ERBB4: variants seen among roughly 807,000 people sequenced by gnomAD.
ERBB4 encodes the protein receptor tyrosine-protein kinase erbB-4.
A neutral mutation model predicts 158.0 loss-of-function variants in ERBB4; 42 were observed. The observed-to-expected ratio is 0.27, with a 90% CI of 0.21 to 0.34. The LOEUF is 0.34. Ranked by LOEUF, ERBB4 falls within the 10% of genes least tolerant of loss-of-function variation. The pLI is 1.00. For missense variants in ERBB4, 1,333 were observed against 1,624.1 expected, an observed-to-expected ratio of 0.82 and a Z score of 3.08; for synonymous variants, 583 against 558.7, an observed-to-expected ratio of 1.04 and a Z score of -0.61.
intron 1 of ERBB4, among the ~76,000 whole-genome samples, chr2:212,194,689 C>T (rs2082370100): frequency 6.6e-6 from 1 of 151,846 alleles, no homozygotes; most frequent in Admixed American, 6.6e-5. Flanking sequence ...TTAGAGACAG[C>T]TCTGTTTCAA....
intron 20 of ERBB4, among the ~76,000 whole-genome samples, chr2:211,464,576 T>C (rs1178170692): frequency 6.6e-6 from 1 of 152,130 alleles, no homozygotes; most frequent in Non-Finnish European, 1.5e-5. Context: ...TCAAATCATT[T>C]GAGGATTCAA....
chr2:212,079,686 T>G (rs1456681253), intron 2 of ERBB4, among the ~76,000 whole-genome samples: 3 of 152,116 alleles, frequency 2.0e-5, no homozygotes, highest in African/African-American at 7.2e-5. Flanking sequence ...GCATAGATGC[T>G]TCCTTTTACC....
intron 12 of ERBB4, among the ~76,000 whole-genome samples, chr2:211,681,134 C>G (rs2072316864): frequency 6.6e-6 from 1 of 151,950 alleles, no homozygotes; most frequent in African/African-American, 2.4e-5. Context: ...TATATAGTTT[C>G]TTTCATTTAT....
intron 2 of ERBB4, among the ~76,000 whole-genome samples, chr2:212,092,869 T>G: frequency 6.6e-6 from 1 of 152,084 alleles, no homozygotes; most frequent in East Asian, 1.9e-4. Flanking sequence ...GATGATGAGT[T>G]GATGGGTGCA....
At chr2:212,200,965 GT>G (rs1380355491) in intron 1 of ERBB4, among the ~76,000 whole-genome samples, 1 of 152,142 alleles carries the variant, frequency 6.6e-6, no homozygotes, top group Non-Finnish European at 1.5e-5. Context: ...TTGTTTCTGA[GT>G]TTGAAAGTAG....
At chr2:211,442,110 G>C (rs2063992259) in intron 20 of ERBB4, among the ~76,000 whole-genome samples, 2 of 151,926 alleles carry the variant, frequency 1.3e-5, no homozygotes, top group Non-Finnish European at 2.9e-5. Flanking sequence ...TTCTTTTCTT[G>C]GAATTCTTCA....
chr2:212,307,918 C>A (rs1179073738), intron 1 of ERBB4, among the ~76,000 whole-genome samples: 2 of 150,884 alleles, frequency 1.3e-5, no homozygotes, highest in Non-Finnish European at 3.0e-5. Context: ...AGCAGCATTG[C>A]ATCTTCTCAC....
chr2:211,991,166 C>T (rs1332519226), intron 2 of ERBB4, among the ~76,000 whole-genome samples: 1 of 151,910 alleles, frequency 6.6e-6, no homozygotes, highest in African/African-American at 2.4e-5. Context: ...CTATTGAATG[C>T]CTCTGTTGTG....
intron 12 of ERBB4, among the ~76,000 whole-genome samples, chr2:211,685,507 C>T (rs186325891): frequency 1.3e-5 from 2 of 152,292 alleles, no homozygotes; most frequent in East Asian, 1.9e-4. Context: ...TAACACACAG[C>T]CTTAATTATG....
intron 3 of ERBB4, among the ~76,000 whole-genome samples, chr2:211,818,760 A>G (rs149458752): frequency 6.2e-4 from 94 of 152,118 alleles, no homozygotes; most frequent in African/African-American, 2.2e-3. Flanking sequence ...TTAAAAATAC[A>G]TTCCACAGGT....
At chr2:211,559,759 T>G (rs2067335107) in intron 20 of ERBB4, among the ~76,000 whole-genome samples, 1 of 152,174 alleles carries the variant, frequency 6.6e-6, no homozygotes, top group Non-Finnish European at 1.5e-5. Flanking sequence ...TCTGCATTGT[T>G]TACTCATACA....
At chr2:211,732,125 G>A (rs905836381) in intron 5 of ERBB4, among the ~76,000 whole-genome samples, 1 of 151,972 alleles carries the variant, frequency 6.6e-6, no homozygotes, top group Non-Finnish European at 1.5e-5. Context: ...TCCCATAGAT[G>A]GAAAGGCAGA....
At chr2:212,118,847 C>G (rs978313568) in intron 2 of ERBB4, among the ~76,000 whole-genome samples, 3 of 151,892 alleles carry the variant, frequency 2.0e-5, no homozygotes, top group Non-Finnish European at 4.4e-5. Flanking sequence ...TAATAACATG[C>G]ATTTGTTATT....
intron 4 of ERBB4, chr2:211,778,632 A>C (rs2075955511): frequency 6.6e-6 from 1 of 152,282 alleles, no homozygotes; most frequent in Non-Finnish European, 1.5e-5. Flanking sequence ...CCGGCGCTGG[A>C]ACCGGCTGGA....
intron 1 of ERBB4, among the ~76,000 whole-genome samples, chr2:212,127,540 C>T (rs2079976611): frequency 6.6e-6 from 1 of 152,034 alleles, no homozygotes; most frequent in African/African-American, 2.4e-5. Flanking sequence ...TGCCGTGAGC[C>T]GAGATTGCGC....
chr2:211,511,726 TA>T (rs958963695), intron 20 of ERBB4, among the ~76,000 whole-genome samples: 2 of 151,950 alleles, frequency 1.3e-5, no homozygotes, highest in African/African-American at 4.8e-5. Flanking sequence ...GAAAAAGCAT[TA>T]AAAAAAGAGA....
At chr2:211,545,437 T>C (rs1204164834) in intron 20 of ERBB4, among the ~76,000 whole-genome samples, 1 of 152,070 alleles carries the variant, frequency 6.6e-6, no homozygotes, top group African/African-American at 2.4e-5. Context: ...AAAGCATTCT[T>C]GATGAAAGCT....
chr2:211,574,074 T>C (rs931887527), intron 19 of ERBB4, among the ~76,000 whole-genome samples: 14 of 152,220 alleles, frequency 9.2e-5, no homozygotes, highest in African/African-American at 3.1e-4. Flanking sequence ...TATTATTATT[T>C]TTATTAAACC....
chr2:211,763,874 A>G (rs1339032276), intron 4 of ERBB4, among the ~76,000 whole-genome samples: 1 of 115,994 alleles, frequency 8.6e-6, no homozygotes, highest in Non-Finnish European at 2.0e-5. Context: ...CTGTTAAAAC[A>G]AGGCCTTAGC....
Sources: gnomAD v4.1 joint callset for allele counts (sites outside exome capture counted in the v4.1 genomes callset) on GRCh38, gnomAD v4.1.1 for gene constraint, MANE v1.5 for transcripts, NCBI Gene and HGNC (gene_info 2026-07-23, HGNC 2026-07-21) for gene names.